LHFPL5: variants seen among roughly 807,000 people sequenced by gnomAD.
LHFPL5 encodes LHFPL tetraspan subfamily member 5 protein.
In LHFPL5, 12 loss-of-function variants were observed where a neutral mutation model predicts 18.7. The ratio of observed to expected loss-of-function variants is 0.64; its 90% CI spans 0.41 to 1.04. The LOEUF (loss-of-function observed/expected upper bound fraction) is 1.04, where lower values mean the gene tolerates loss of function less well. Among genes scored for constraint, LHFPL5 ranks in the 50% least tolerant of loss-of-function variants. The pLI is 0.00. For synonymous variants in LHFPL5, 111 were observed against 120.2 expected (o/e 0.92, Z 0.50); for missense variants, 259 against 292.1 (o/e 0.89, Z 0.83).
At chr6:35,818,650 T>A (rs1305062077) in intron 2 of LHFPL5, among the ~76,000 whole-genome samples, 2 of 150,574 alleles carry the variant, frequency 1.3e-5, no homozygotes, top group African/African-American at 4.9e-5. Context: ...GCATCCAGCT[T>A]GTTAGTGAAT....
At chr6:35,818,245 GT>G (rs1362829195) in intron 2 of LHFPL5, among the ~76,000 whole-genome samples, 1 of 151,236 alleles carries the variant, frequency 6.6e-6, no homozygotes, top group African/African-American at 2.4e-5. Context: ...TGGGCACAGG[GT>G]TTCTTTTTGG....
intron 1 of LHFPL5, among the ~76,000 whole-genome samples, chr6:35,808,220 G>T (rs1768602911): frequency 6.6e-6 from 1 of 151,678 alleles, no homozygotes; most frequent in Admixed American, 6.6e-5. Flanking sequence ...GGAGGCCAAG[G>T]AGAGGGGATT....
intron 2 of LHFPL5, among the ~76,000 whole-genome samples, chr6:35,816,681 G>A (rs1768768812): frequency 6.6e-6 from 1 of 151,722 alleles, no homozygotes; most frequent in African/African-American, 2.4e-5. Flanking sequence ...GCTTGGTGGT[G>A]TGCCCCTGTA....
At chr6:35,816,568 C>G (rs904460844) in intron 2 of LHFPL5, among the ~76,000 whole-genome samples, 5 of 151,886 alleles carry the variant, frequency 3.3e-5, no homozygotes, top group African/African-American at 7.3e-5. Flanking sequence ...CCCCAGCGCT[C>G]TGGGAGGCCA....
At chr6:35,822,526 G>T (rs781643181) in intron 3 of LHFPL5, among the ~76,000 whole-genome samples, 1 of 152,038 alleles carries the variant, frequency 6.6e-6, no homozygotes, top group Admixed American at 6.6e-5. Flanking sequence ...AATTTATTTT[G>T]AGATAGCATC....
At chr6:35,816,216 C>T (rs1242425348) in intron 2 of LHFPL5, among the ~76,000 whole-genome samples, 5 of 146,260 alleles carry the variant, frequency 3.4e-5, no homozygotes, top group East Asian at 4.0e-4. Flanking sequence ...TGCGGTGGCT[C>T]GCAGCTGTAG....
At chr6:35,806,651 T>C (rs1768573487) in intron 1 of LHFPL5, among the ~76,000 whole-genome samples, 1 of 152,176 alleles carries the variant, frequency 6.6e-6, no homozygotes, top group African/African-American at 2.4e-5. Context: ...TTTTGGAGTG[T>C]TACTATTATG....
Position 35,814,688 on chromosome 6 carries a change from C to A in LHFPL5, c.555C>A (p.Ser185Arg). The A allele has an allele frequency of 1.9e-6, 3 of 1,614,194 alleles. No homozygotes were observed. The highest frequency in any genetic ancestry group is 2.5e-6 in the Non-Finnish European group (3 of 1,180,032). The change falls in exon 2 of 4, where the codon AGC (serine) becomes AGA (arginine). Residue 185 changes from serine (S) to arginine (R), a missense_variant. By Grantham distance (110) the Ser-to-Arg change is moderately radical. Transcript: ENST00000360215. This position sits in a 1 kb window ranked among gnomAD's most constrained non-coding sequence, Gnocchi z 4.2. ...GGGCCTTCATGCTGGCCATCCTCAGCATTGGCGACGCCCTCATCCTCTCCT... is the reference window on the plus strand; with the variant it reads ...GGGCCTTCATGCTGGCCATCCTCAGAATTGGCGACGCCCTCATCCTCTCCT... The part of the protein sequence containing the change: ...IRWAFMLAIL[S>R]IGDALILSFL...
intron 1 of LHFPL5, chr6:35,811,572 C>T (rs747671315): frequency 1.3e-5 from 2 of 152,318 alleles, no homozygotes; most frequent in Non-Finnish European, 2.9e-5. Context: ...GGCACCAACA[C>T]CCTGTTTCCA....
intron 1 of LHFPL5, among the ~76,000 whole-genome samples, chr6:35,812,617 A>G (rs1283066588): frequency 6.6e-6 from 1 of 151,948 alleles, no homozygotes. Context: ...CTCACAGTCA[A>G]CTCTTATGGA....
At position 35,823,512 on chromosome 6, in the gene LHFPL5, A is replaced by G. The variant is rs1253402456; in HGVS notation, c.*547A>G. On this transcript the variant is annotated 3_prime_UTR_variant, in exon 4 of 4. Transcript: ENST00000360215. Reference sequence around the variant, plus strand: ...TCTCTCAAACACACACAAATGCCCAACCAGCTCTAAGAGGGCACTGAAGAG... The same window carrying G: ...TCTCTCAAACACACACAAATGCCCAGCCAGCTCTAAGAGGGCACTGAAGAG... 6.9e-6 allele frequency: 1 copy of G among 145,518 alleles called. No homozygotes were observed. The highest frequency in any genetic ancestry group is 1.5e-5 in the Non-Finnish European group (1 of 66,126). The allele number at this position is 145,518 out of a possible 1,614,324, so 9.0% of individuals were successfully genotyped here. A position where few individuals can be genotyped will look rare whatever the true frequency, so the allele number is the denominator to read the frequency against.
Position 35,814,491 on chromosome 6 carries a change from T to C in LHFPL5, c.413-55T>C. On this transcript the variant is annotated intron_variant, in intron 1 of 3. Transcript: ENST00000360215. This position sits in a 1 kb window ranked among gnomAD's most constrained non-coding sequence, Gnocchi z 4.2. ...TAACAGCAGTGCAAGGTGTGGGAGG[T>C]AGCGGGCTAGGCACACTCGGCCTGA... The C allele has an allele frequency of 7.6e-7, 1 of 1,323,128 alleles. No homozygotes were observed. The highest frequency in any genetic ancestry group is 1.1e-6 in the Non-Finnish European group (1 of 915,140). The allele number at this position is 1,323,128 out of a possible 1,614,324, so 82.0% of individuals were successfully genotyped here. A position where few individuals can be genotyped will look rare whatever the true frequency, so the allele number is the denominator to read the frequency against.
intron 2 of LHFPL5, among the ~76,000 whole-genome samples, chr6:35,818,343 ATATATGTATTTTTTTT>A (rs1768802364): frequency 2.7e-4 from 2 of 7,322 alleles, no homozygotes; most frequent in African/African-American, 7.1e-4. Context: ...ATATATATAT[ATATATGTATTTTTTTT>A]TTTTTTTTTT....
chr6:35,809,916 T>C (rs147904155), intron 1 of LHFPL5, among the ~76,000 whole-genome samples: 77 of 152,384 alleles, frequency 5.1e-4, no homozygotes, highest in African/African-American at 1.8e-3. Flanking sequence ...GATCTAATGT[T>C]TCCTAGCTTT....
chr6:35,808,966 G>A (rs1022477884), intron 1 of LHFPL5, among the ~76,000 whole-genome samples: 1 of 152,164 alleles, frequency 6.6e-6, no homozygotes, highest in Non-Finnish European at 1.5e-5. Context: ...CTGCGGAAGG[G>A]GAAATGAGCC....
At chr6:35,806,108 G>T (rs1768565584) in intron 1 of LHFPL5, 26 bp downstream of exon 1, 5 of 1,610,424 alleles carry the variant, frequency 3.1e-6, no homozygotes, top group Non-Finnish European at 4.2e-6. Flanking sequence ...GGGAGGGCAG[G>T]CAGGGGCCCA....
intron 2 of LHFPL5, among the ~76,000 whole-genome samples, chr6:35,818,278 T>C (rs1768796757): frequency 1.3e-5 from 2 of 150,372 alleles, no homozygotes; most frequent in South Asian, 4.2e-4. Context: ...TGTTTTAGAA[T>C]TAGTGATGAT....
chr6:35,808,463 C>T (rs1768607647), intron 1 of LHFPL5, among the ~76,000 whole-genome samples: 1 of 145,376 alleles, frequency 6.9e-6, no homozygotes, highest in Admixed American at 6.9e-5. Context: ...GCCTGAGCAA[C>T]ATGGCGAAAC....
chr6:35,814,754 C>T lies in LHFPL5; in HGVS notation c.621C>T (p.Leu207=). The T allele has an allele frequency of 1.9e-6, 3 of 1,614,132 alleles. No homozygotes were observed. The highest frequency in any genetic ancestry group is 2.5e-6 in the Non-Finnish European group (3 of 1,180,010). The change falls in exon 2 of 4, where the codon CTC becomes CTT. Residue 207 remains leucine, a synonymous_variant. Transcript: ENST00000360215. The surrounding 1 kb of genome is among the most constrained non-coding windows in gnomAD (Gnocchi z 4.2). ...TGGGCTACCGGCAGGACAAGCTCCT[C>T]CCTGACGACTACAAGGCAGATGGAA... ...FVLGYRQDKL[L]PDDYKADGTE... is the part of the protein sequence containing the mutation.
Sources: gnomAD v4.1 joint callset for allele counts (sites outside exome capture counted in the v4.1 genomes callset) on GRCh38, gnomAD v4.1.1 for gene constraint, Gnocchi (gnomAD v3.1) non-coding constraint, MANE v1.5 for transcripts, NCBI Gene and HGNC (gene_info 2026-07-23, HGNC 2026-07-21) for gene names.